The following USP5 variants were observed in gnomAD, a reference collection of about 807,000 sequenced individuals.
USP5 encodes the protein ubiquitin specific peptidase 5, also known as ubiquitin carboxyl-terminal hydrolase 5.
A neutral mutation model predicts 102.5 loss-of-function variants in USP5; 24 were observed. That is an observed-to-expected ratio of 0.23 (90% CI 0.17 to 0.33). The LOEUF is 0.33. USP5 is among the 10% of genes least tolerant of loss of function. USP5 has a pLI of 1.00. For synonymous variants in USP5, 460 were observed against 434.8 expected (o/e 1.06, Z -0.72); for missense variants, 753 against 1,122.1 (o/e 0.67, Z 4.70).
chr12:6,857,700 A>G lies in USP5; in HGVS notation c.841A>G (p.Ile281Val). The G allele has an allele frequency of 6.2e-7, 1 of 1,614,150 alleles. No individual in the cohort carries two copies. The highest frequency in any genetic ancestry group is 8.5e-7 in the Non-Finnish European group (1 of 1,180,032). ...SLAEHLSHFGIDMLKMQKTDK... is the reference protein window; with the variant it reads ...SLAEHLSHFGVDMLKMQKTDK... ...GGCTGAGCACCTGTCCCACTTCGGC[A>G]TCGACATGCTGAAGATGCAGAAGGT... Residue 281 changes from isoleucine to valine, a missense_variant, in exon 7 of 20, where the codon ATC becomes GTC. Around this residue, in one of 3 missense-constraint regions of USP5, gnomAD observed 527 missense variants for 816.5 expected, o/e 0.65. Transcript: ENST00000229268.
At chr12:6,857,794 C>G in intron 7 of USP5, 71 bp downstream of exon 7, 4 of 1,496,270 alleles carry the variant, frequency 2.7e-6, no homozygotes, top group Non-Finnish European at 3.7e-6. Flanking sequence ...TTGCCTGAGG[C>G]TGAGGTAGGG....
In USP5 at chr12:6,856,570, T is replaced by C; in HGVS notation, c.584+120T>C. On this transcript the variant is annotated intron_variant, in intron 5 of 19. Transcript: ENST00000229268. The surrounding 1 kb of genome is among the most constrained non-coding windows in gnomAD (Gnocchi z 5.6). ...CAGGACAGGAAGGGAAGCTTGGAAA[T>C]GAACACGACATGGGGATGGCCAGAG... 1 of 1,540,664 alleles carries C rather than the reference T, an allele frequency of 6.5e-7. No homozygotes were observed. The highest frequency in any genetic ancestry group is 8.7e-7 in the Non-Finnish European group (1 of 1,146,022).
At position 6,852,259 on chromosome 12, in the gene USP5, A is replaced by G. The variant is rs1943930873; in HGVS notation, c.80A>G (p.Lys27Arg). The change falls in exon 1 of 20, where the codon AAA becomes AGA. Residue 27 changes from lysine to arginine, a missense_variant. Around this residue, in one of 3 missense-constraint regions of USP5, gnomAD observed 527 missense variants for 816.5 expected, o/e 0.65. Transcript: ENST00000229268. ...CCTAAGGCTGGAGACCGGGTCCACA[A>G]AGACGAGTGCGCCTTCTCCTTCGAC... Reference protein sequence around the residue: ...RVPKAGDRVHKDECAFSFDTP... With the variant: ...RVPKAGDRVHRDECAFSFDTP... 1.2e-6 allele frequency: 2 copies of G among 1,612,618 alleles called. No individual in the cohort carries two copies. Among genetic ancestry groups the G allele is most frequent in the South Asian group, 1.1e-5 (1 of 90,526 alleles).
In USP5 at chr12:6,856,938, A is replaced by G. The variant is rs373576214; in HGVS notation, c.769+47A>G. On this transcript the variant is annotated intron_variant, in intron 6 of 19. Transcript: ENST00000229268. This position sits in a 1 kb window ranked among gnomAD's most constrained non-coding sequence, Gnocchi z 5.6. ...CCACTCTCATGCTTAAATATATTTC[A>G]TTTGTTAGTAATTTCGTGTGACATG... 2 of 1,588,414 alleles carry G rather than the reference A, an allele frequency of 1.3e-6. No individual in the cohort carries two copies. Among genetic ancestry groups the G allele is most frequent in the South Asian group, 1.1e-5 (1 of 89,572 alleles).
chr12:6,863,214 C>G lies in USP5; in HGVS notation c.1791C>G (p.Leu597=), dbSNP rs782615732. ...TGTCCATCGAGATGCCAGAGGAGCT[C>G]GACATCTCCCAGTTGAGGGGCACAG... ...LDVSIEMPEE[L]DISQLRGTGL... The change falls in exon 15 of 20, where the codon CTC becomes CTG. Residue 597 remains leucine (L), a synonymous_variant. Transcript: ENST00000229268. This position sits in a 1 kb window ranked among gnomAD's most constrained non-coding sequence, Gnocchi z 4.7. The G allele has an allele frequency of 1.2e-5, 19 of 1,613,678 alleles. No individual in the cohort carries two copies. Among genetic ancestry groups the G allele is most frequent in the Non-Finnish European group, 1.6e-5 (19 of 1,179,794 alleles).
chr12:6,865,565 GC>G (rs1944420708), intron 19 of USP5, among the ~76,000 whole-genome samples: 1 of 152,120 alleles, frequency 6.6e-6, no homozygotes, highest in Non-Finnish European at 1.5e-5. Context: ...GCCTGGCCAG[GC>G]CCCCTGCCTT....
At position 6,860,494 on chromosome 12, in the gene USP5, A is replaced by G; in HGVS notation, c.1344+3A>G. On this transcript the variant is annotated splice_donor_region_variant and intron_variant, in intron 11 of 19. Coordinates refer to ENST00000229268, the MANE Select transcript of USP5 (RefSeq NM_001098536.2). The surrounding 1 kb of genome is among the most constrained non-coding windows in gnomAD (Gnocchi z 5.5). ...TTCACCTTATCAACATGGTGGAGGT[A>G]AGGGCTGGCAAGATGGCACACCCCC... 1 of 1,613,650 alleles carries G rather than the reference A, an allele frequency of 6.2e-7. No homozygotes were observed. Among genetic ancestry groups the G allele is most frequent in the Non-Finnish European group, 8.5e-7 (1 of 1,179,972 alleles).
Position 6,861,734 on chromosome 12 carries a change from C to A in USP5, c.1673+117C>A. On this transcript the variant is annotated intron_variant, in intron 13 of 19. Transcript: ENST00000229268. This position sits in a 1 kb window ranked among gnomAD's most constrained non-coding sequence, Gnocchi z 4.9. ...TGTGGTTGGAACCTCAGGGTTGAATCAGTTGGGCTGGTAATCTGGCCCTGA... is the reference window on the plus strand; with the variant it reads ...TGTGGTTGGAACCTCAGGGTTGAATAAGTTGGGCTGGTAATCTGGCCCTGA... 1 of 1,200,770 alleles carries A rather than the reference C, an allele frequency of 8.3e-7. No individual in the cohort carries two copies. The highest frequency in any genetic ancestry group is 1.1e-6 in the Non-Finnish European group (1 of 923,490). 74.4% of individuals were successfully genotyped at this position (1,200,770 alleles called of 1,614,324 possible). A position where few individuals can be genotyped will look rare whatever the true frequency, so the allele number is the denominator to read the frequency against.
chr12:6,853,266 T>C (rs1591603037), intron 1 of USP5, among the ~76,000 whole-genome samples: 1 of 152,238 alleles, frequency 6.6e-6, no homozygotes, highest in Non-Finnish European at 1.5e-5. Context: ...GCCTGAAAAC[T>C]GCAAGTCAGA....
rs1944379835 is a variant in USP5, at chr12:6,864,666, G to T, written c.2245-56G>T. The stretch of plus-strand genomic sequence containing the variant: ...ATCGCGCCACTGCACTCCAGCCTGG[G>T]CGACAGAGCAAGACTCCGTCTCAAG... On this transcript the variant is annotated intron_variant, in intron 17 of 19. Coordinates refer to ENST00000229268, the MANE Select transcript of USP5 (RefSeq NM_001098536.2). This position sits in a 1 kb window ranked among gnomAD's most constrained non-coding sequence, Gnocchi z 4.8. 14 of 1,559,560 alleles carry T rather than the reference G, an allele frequency of 9.0e-6. No individual in the cohort carries two copies. The highest frequency in any genetic ancestry group is 1.2e-5 in the Non-Finnish European group (14 of 1,154,942).
chr12:6,860,574 C>G lies in USP5; in HGVS notation c.1344+83C>G. 1 of 1,585,162 alleles carries G rather than the reference C, an allele frequency of 6.3e-7. No homozygotes were observed. Among genetic ancestry groups the G allele is most frequent in the Non-Finnish European group, 8.6e-7 (1 of 1,169,080 alleles). On this transcript the variant is annotated intron_variant, in intron 11 of 19. Transcript: ENST00000229268. This position sits in a 1 kb window ranked among gnomAD's most constrained non-coding sequence, Gnocchi z 5.5. Reference sequence around the variant, plus strand: ...CTGCCCATTTCTCCCTCTATCAGCCCCAACCCAGTCCCATCCCTGAACCCC... The same window carrying G: ...CTGCCCATTTCTCCCTCTATCAGCCGCAACCCAGTCCCATCCCTGAACCCC...
chr12:6,863,994 G>T lies in USP5; in HGVS notation c.2098+21G>T. On this transcript the variant is annotated intron_variant, in intron 16 of 19. Coordinates refer to ENST00000229268, the MANE Select transcript of USP5 (RefSeq NM_001098536.2). This position sits in a 1 kb window ranked among gnomAD's most constrained non-coding sequence, Gnocchi z 4.7. ...TCCAGGTAGGCTGGGGTGGGGAGCAGGGTGGGGCAGGGCCTCCATCCTCCC... is the reference window on the plus strand; with the variant it reads ...TCCAGGTAGGCTGGGGTGGGGAGCATGGTGGGGCAGGGCCTCCATCCTCCC... 1 of 1,582,336 alleles carries T rather than the reference G, an allele frequency of 6.3e-7. No homozygotes were observed.
chr12:6,864,928 A>G lies in USP5; in HGVS notation c.2398+53A>G. On this transcript the variant is annotated intron_variant, in intron 18 of 19. Coordinates refer to ENST00000229268, the MANE Select transcript of USP5 (RefSeq NM_001098536.2). This position sits in a 1 kb window ranked among gnomAD's most constrained non-coding sequence, Gnocchi z 4.8. ...CCTGGTGGAATCTGGTCAGTCTACT[A>G]CACCAGATCCCTCATTCAGGCAGCT... The G allele has an allele frequency of 6.3e-7, 1 of 1,577,968 alleles. No individual in the cohort carries two copies. The highest frequency in any genetic ancestry group is 1.1e-5 in the South Asian group (1 of 88,584).
In USP5 at chr12:6,856,511, T is replaced by G; in HGVS notation, c.584+61T>G. On this transcript the variant is annotated intron_variant, in intron 5 of 19. Coordinates refer to ENST00000229268, the MANE Select transcript of USP5 (RefSeq NM_001098536.2). This position sits in a 1 kb window ranked among gnomAD's most constrained non-coding sequence, Gnocchi z 5.6. ...CAGAGCAAGGACAAGGAGCCCACTT[T>G]TCTGGGGGATCTGGTGGGAGAGAGG... The G allele has an allele frequency of 6.4e-7, 1 of 1,563,166 alleles. No individual in the cohort carries two copies. Among genetic ancestry groups the G allele is most frequent in the South Asian group, 1.2e-5 (1 of 82,766 alleles).
chr12:6,855,769 T>C lies in USP5; in HGVS notation c.252T>C (p.Pro84=). Reference sequence around the variant, plus strand: ...CTTCTTTACAGAAAGAGGAGGACCCTGCTACAGGCACTGGAGACCCACCCC... The same window carrying C: ...CTTCTTTACAGAAAGAGGAGGACCCCGCTACAGGCACTGGAGACCCACCCC... The part of the protein sequence containing the change: ...RRTRRPKEED[P]ATGTGDPPRK... Residue 84 remains proline, a synonymous_variant, in exon 3 of 20, where the codon CCT becomes CCC. Transcript: ENST00000229268. The surrounding 1 kb of genome is among the most constrained non-coding windows in gnomAD (Gnocchi z 4.6). 1 of 1,614,226 alleles carries C rather than the reference T, an allele frequency of 6.2e-7. No homozygotes were observed. Among genetic ancestry groups the C allele is most frequent in the Non-Finnish European group, 8.5e-7 (1 of 1,180,022 alleles).
Position 6,856,329 on chromosome 12 carries a change from C to T in USP5, c.463C>T (p.Leu155=). Residue 155 remains leucine, a synonymous_variant, in exon 5 of 20, where the codon CTG becomes TTG. Transcript: ENST00000229268. The surrounding 1 kb of genome is among the most constrained non-coding windows in gnomAD (Gnocchi z 5.6). ...DRVTSAVEAL[L]SADSASRKQE... The stretch of plus-strand genomic sequence containing the variant: ...GGTGACCAGTGCAGTGGAGGCCCTA[C>T]TGTCGGCCGACTCAGCCTCCCGCAA... 2 of 1,613,654 alleles carry T rather than the reference C, an allele frequency of 1.2e-6. No homozygotes were observed. Among genetic ancestry groups the T allele is most frequent in the Non-Finnish European group, 8.5e-7 (1 of 1,179,764 alleles).
At position 6,864,315 on chromosome 12, in the gene USP5, CA is replaced by C; in HGVS notation, c.2244+121del. On this transcript the variant is annotated intron_variant, in intron 17 of 19. Coordinates refer to ENST00000229268, the MANE Select transcript of USP5 (RefSeq NM_001098536.2). This position sits in a 1 kb window ranked among gnomAD's most constrained non-coding sequence, Gnocchi z 4.8. Reference sequence around the variant, plus strand: ...GTGTGGTCTGGCCGAGGTTGGGCACCACTCTTTTGTGGCTGCGATGAAGGAG... The same window carrying C: ...GTGTGGTCTGGCCGAGGTTGGGCACCCTCTTTTGTGGCTGCGATGAAGGAG... 7.2e-7 allele frequency: 1 copy of C among 1,381,122 alleles called. No homozygotes were observed. The highest frequency in any genetic ancestry group is 9.5e-7 in the Non-Finnish European group (1 of 1,049,694). 85.6% of individuals were successfully genotyped at this position (1,381,122 alleles called of 1,614,324 possible). A position where few individuals can be genotyped will look rare whatever the true frequency, so the allele number is the denominator to read the frequency against.
At position 6,855,338 on chromosome 12, in the gene USP5, T is replaced by A. The variant is rs1944076556; in HGVS notation, c.112-63T>A. The A allele has an allele frequency of 6.3e-7, 1 of 1,588,532 alleles. No individual in the cohort carries two copies. The highest frequency in any genetic ancestry group is 8.6e-7 in the Non-Finnish European group (1 of 1,167,582). On this transcript the variant is annotated intron_variant, in intron 1 of 19. Coordinates refer to ENST00000229268, the MANE Select transcript of USP5 (RefSeq NM_001098536.2). This position sits in a 1 kb window ranked among gnomAD's most constrained non-coding sequence, Gnocchi z 4.6. Reference sequence around the variant, plus strand: ...AGCAGTTTCTGACTCCAGGTTTTGGTTTCCTCACCTGACCAGGCTTCATAA... The same window carrying A: ...AGCAGTTTCTGACTCCAGGTTTTGGATTCCTCACCTGACCAGGCTTCATAA...
chr12:6,864,313 A>G lies in USP5; in HGVS notation c.2244+118A>G. On this transcript the variant is annotated intron_variant, in intron 17 of 19. Coordinates refer to ENST00000229268, the MANE Select transcript of USP5 (RefSeq NM_001098536.2). This position sits in a 1 kb window ranked among gnomAD's most constrained non-coding sequence, Gnocchi z 4.8. ...AGGTGTGGTCTGGCCGAGGTTGGGC[A>G]CCACTCTTTTGTGGCTGCGATGAAG... The G allele has an allele frequency of 7.2e-7, 1 of 1,395,420 alleles. No individual in the cohort carries two copies. Among genetic ancestry groups the G allele is most frequent in the Non-Finnish European group, 9.4e-7 (1 of 1,061,732 alleles). The allele number at this position is 1,395,420 out of a possible 1,614,324, so 86.4% of individuals were successfully genotyped here.
Sources: allele counts gnomAD v4.1 joint callset (sites outside exome capture counted in the v4.1 genomes callset), GRCh38; gene constraint gnomAD v4.1.1; regional missense constraint gnomAD v4.1.1; non-coding constraint Gnocchi (gnomAD v3.1); transcripts MANE v1.5; gene names NCBI Gene and HGNC (gene_info 2026-07-23, HGNC 2026-07-21).